The following REV3L variants were observed in gnomAD, a reference collection of about 807,000 sequenced individuals.
REV3L encodes the protein DNA polymerase zeta catalytic subunit.
A neutral mutation model predicts 299.4 loss-of-function variants in REV3L; 69 were observed. The ratio of observed to expected loss-of-function variants is 0.23; its 90% confidence interval spans 0.19 to 0.28. The LOEUF (loss-of-function observed/expected upper bound fraction) is 0.28, where lower values mean the gene tolerates loss of function less well. REV3L is among the 10% of genes least tolerant of loss of function. The pLI is 1.00. For missense variants in REV3L, 3,128 were observed against 3,693.8 expected, an observed-to-expected ratio of 0.85 and a Z score of 3.97; for synonymous variants, 1,238 against 1,271.4, an observed-to-expected ratio of 0.97 and a Z score of 0.56.
intron 19 of REV3L, 114 bp from the exon 20 acceptor site, chr6:111,349,450 A>G (rs1777364392): frequency 2.0e-6 from 1 of 488,952 alleles, no homozygotes; most frequent in South Asian, 5.7e-5. Flanking sequence ...ATGAAATATA[A>G]TTCACAATGT....
chr6:111,442,555 T>C (rs535867408), intron 1 of REV3L, among the ~76,000 whole-genome samples: 3 of 152,220 alleles, frequency 2.0e-5, no homozygotes, highest in African/African-American at 7.2e-5. Flanking sequence ...GAGCTGCATA[T>C]GGTAGTGCTT....
intron 30 of REV3L, chr6:111,308,379 T>G: frequency 2.8e-6 from 1 of 359,176 alleles, no homozygotes; most frequent in Non-Finnish European, 5.7e-6. Flanking sequence ...CTCAGAACAC[T>G]TAGTAACATA....
At chr6:111,423,710 G>T (rs1209856556) in intron 1 of REV3L, among the ~76,000 whole-genome samples, 5 of 152,172 alleles carry the variant, frequency 3.3e-5, no homozygotes, top group African/African-American at 7.2e-5. Flanking sequence ...GAGGAATTCA[G>T]TCGAGATGTC....
chr6:111,340,062 T>C (rs946079604), intron 21 of REV3L, among the ~76,000 whole-genome samples: 1 of 152,138 alleles, frequency 6.6e-6, no homozygotes, highest in Non-Finnish European at 1.5e-5. Flanking sequence ...CCTGAAGGCA[T>C]GGATATTTTT....
intron 16 of REV3L, among the ~76,000 whole-genome samples, chr6:111,359,705 C>A (rs1426011087): frequency 6.6e-6 from 1 of 151,972 alleles, no homozygotes; most frequent in Non-Finnish European, 1.5e-5. Flanking sequence ...AAAATCAAGA[C>A]AGAGTAAATA....
chr6:111,477,816 A>G (rs1583146837), intron 1 of REV3L, among the ~76,000 whole-genome samples: 1 of 152,242 alleles, frequency 6.6e-6, no homozygotes, highest in African/African-American at 2.4e-5. Context: ...ATTACAGTGT[A>G]GGAAACAGAT....
intron 1 of REV3L, among the ~76,000 whole-genome samples, chr6:111,438,220 T>C (rs1011346194): frequency 3.6e-4 from 54 of 151,982 alleles, no homozygotes; most frequent in Non-Finnish European, 7.4e-5. Flanking sequence ...TTGTTTTCTT[T>C]AGCAGTTGCT....
chr6:111,461,376 T>C (rs563647656), intron 1 of REV3L, among the ~76,000 whole-genome samples: 44 of 152,110 alleles, frequency 2.9e-4, no homozygotes, highest in Non-Finnish European at 5.9e-4. Context: ...CATACTTTTG[T>C]ACAGCTGTAC....
intron 24 of REV3L, among the ~76,000 whole-genome samples, chr6:111,330,123 GT>G (rs1305983642): frequency 3.3e-5 from 5 of 152,138 alleles, no homozygotes; most frequent in Non-Finnish European, 5.9e-5. Context: ...AACCAACTCA[GT>G]TTTTAAAGAT....
chr6:111,319,691 G>A (rs961969737), intron 26 of REV3L, among the ~76,000 whole-genome samples: 6 of 152,080 alleles, frequency 3.9e-5, no homozygotes, highest in Admixed American at 1.3e-4. Context: ...ATTTACCTTC[G>A]TCTATCAGAT....
intron 1 of REV3L, 98 bp from the exon 2 acceptor site, chr6:111,416,570 C>A: frequency 1.0e-6 from 1 of 967,130 alleles, no homozygotes; most frequent in East Asian, 2.7e-5. Context: ...GGCAACACAG[C>A]TTATCTAAGG....
chr6:111,393,447 A>G (rs942792727), intron 4 of REV3L, among the ~76,000 whole-genome samples: 8 of 152,208 alleles, frequency 5.3e-5, no homozygotes, highest in African/African-American at 1.7e-4. Flanking sequence ...TAATGACAAA[A>G]TCAAGGTACT....
At chr6:111,332,385 T>C (rs923491872) in intron 23 of REV3L, among the ~76,000 whole-genome samples, 2 of 152,220 alleles carry the variant, frequency 1.3e-5, no homozygotes, top group Non-Finnish European at 2.9e-5. Flanking sequence ...CATCTTATAC[T>C]AAATTACTTA....
chr6:111,435,155 G>A (rs1257481055), intron 1 of REV3L, among the ~76,000 whole-genome samples: 1 of 152,118 alleles, frequency 6.6e-6, no homozygotes, highest in Non-Finnish European at 1.5e-5. Context: ...GCAGTGAACT[G>A]TATGTAATTG....
intron 1 of REV3L, among the ~76,000 whole-genome samples, chr6:111,429,063 A>G (rs1315626986): frequency 1.3e-5 from 2 of 152,254 alleles, no homozygotes; most frequent in Non-Finnish European, 2.9e-5. Context: ...AAAGGCCAGG[A>G]AAGAGTGGAA....
chr6:111,476,156 G>C (rs1022338528), intron 1 of REV3L, among the ~76,000 whole-genome samples: 1 of 152,120 alleles, frequency 6.6e-6, no homozygotes, highest in Non-Finnish European at 1.5e-5. Context: ...ATGAAACAAA[G>C]TTGTTTTGAT....
chr6:111,371,297 T>C lies in REV3L; in HGVS notation c.5759+1299A>G, dbSNP rs72945321. Among the ~76,000 whole-genome samples, 323 of 152,346 alleles carry C rather than the reference T, an allele frequency of 2.1e-3. No individual in the cohort carries two copies. In the Middle Eastern group the frequency reaches 0.027, roughly 13 times the overall value. ...TGATGAAAGTGGTATACACCATAAC[T>C]ACTTAACTACTGATAAATAAACCAG... On this transcript the variant is annotated intron_variant, in intron 13 of 31. Coordinates refer to ENST00000368802, the MANE Select transcript of REV3L (RefSeq NM_001372078.1).
rs749232103 is a variant in REV3L at position 111,376,570 on chromosome 6, T to G, written c.1785A>C (p.Leu595Phe). 6.2e-7 allele frequency: 1 copy of G among 1,613,042 alleles called. No individual in the cohort carries two copies. The highest frequency in any genetic ancestry group is 1.7e-5 in the Admixed American group (1 of 59,954). ...TGTTTGTCTGTGAAAGGTCTTCAATTAAATCTTCCTTGTTCAAAACATGGG... is the reference window on the plus strand; with the variant it reads ...TGTTTGTCTGTGAAAGGTCTTCAATGAAATCTTCCTTGTTCAAAACATGGG... ...LSSHVLNKED[L>F]IEDLSQTNKN... Residue 595 changes from leucine (L) to phenylalanine (F), a missense_variant, in exon 13 of 32, where the codon TTA (leucine) becomes TTC (phenylalanine). Transcript: ENST00000368802.
In REV3L at chr6:111,482,965, A is replaced by G. The variant is rs1793953636; in HGVS notation, c.-77T>C. 1.4e-6 allele frequency: 2 copies of G among 1,419,078 alleles called. No individual in the cohort carries two copies. Among genetic ancestry groups the G allele is most frequent in the South Asian group, 1.5e-5 (1 of 64,652 alleles). The allele number at this position is 1,419,078 out of a possible 1,614,324, so 87.9% of individuals were successfully genotyped here. A position where few individuals can be genotyped will look rare whatever the true frequency, so the allele number is the denominator to read the frequency against. On this transcript the variant is annotated 5_prime_UTR_variant, in exon 1 of 32. Coordinates refer to ENST00000368802, the MANE Select transcript of REV3L (RefSeq NM_001372078.1). ...CAGCAGCGGCGGCGGCTCCCTCCGC[A>G]GCGGCGGCGGCGCCCCCTCCCCTTC... is the stretch of plus-strand genomic sequence containing the variant.
Sources: allele counts gnomAD v4.1 joint callset (sites outside exome capture counted in the v4.1 genomes callset), GRCh38; gene constraint gnomAD v4.1.1; transcripts MANE v1.5; gene names NCBI Gene and HGNC (gene_info 2026-07-23, HGNC 2026-07-21).